The following GPHN variants were observed in gnomAD, a reference collection of about 807,000 sequenced individuals.
GPHN encodes the protein gephyrin.
GPHN carries 17 observed loss-of-function variants against 95.5 expected under a neutral mutation model. The ratio of observed to expected loss-of-function variants is 0.18; its 90% CI spans 0.12 to 0.27. The LOEUF (loss-of-function observed/expected upper bound fraction) is 0.27, where lower values mean the gene tolerates loss of function less well. Among genes scored for constraint, GPHN ranks in the 10% least tolerant of loss-of-function variants. GPHN has a pLI of 1.00. For synonymous variants in GPHN, 320 were observed against 322.5 expected (o/e 0.99, Z 0.08); for missense variants, 660 against 978.1 (o/e 0.67, Z 4.34).
At chr14:67,295,959 C>G in the GPHN span, among the ~76,000 whole-genome samples, 1 of 152,008 alleles carries the variant, frequency 6.6e-6, no homozygotes, top group East Asian at 1.9e-4. Flanking sequence ...AGATGTTTGT[C>G]AACCTGTGAA....
At chr14:67,509,471 G>A in the GPHN span, among the ~76,000 whole-genome samples, 2 of 152,024 alleles carry the variant, frequency 1.3e-5, no homozygotes, top group Admixed American at 6.6e-5. Flanking sequence ...GGCACGAGCC[G>A]CCATGCACAG....
intron 1 of GPHN, among the ~76,000 whole-genome samples, chr14:66,614,453 G>T (rs781545139): frequency 1.7e-4 from 26 of 151,910 alleles, no homozygotes; most frequent in Non-Finnish European, 3.1e-4. Flanking sequence ...AGATGTAAAT[G>T]ATATTGAATT....
Position 66,721,974 on chromosome 14 carries a change from A to G in GPHN, c.143+40789A>G, listed in dbSNP as rs1021568424. Among the ~76,000 whole-genome samples, 5 of 148,692 alleles carry G rather than the reference A, an allele frequency of 3.4e-5. No homozygotes were observed. In the East Asian group the frequency reaches 5.9e-4, roughly 18 times the overall value. ...CTCAAAAAAAAAAAAAAAAAAAAGGAAAAAAAAGAATTTGATTTAATTTGG... is the reference window on the plus strand; with the variant it reads ...CTCAAAAAAAAAAAAAAAAAAAAGGGAAAAAAAGAATTTGATTTAATTTGG... On this transcript the variant is annotated intron_variant, in intron 2 of 22. Coordinates refer to ENST00000478722, the MANE Select transcript of GPHN (RefSeq NM_020806.5).
the GPHN span, chr14:67,585,518 C>A: frequency 1.6e-6 from 2 of 1,280,434 alleles, no homozygotes; most frequent in Non-Finnish European, 2.2e-6. Flanking sequence ...TATTATAGTT[C>A]AAAATCTCTA....
intron 5 of GPHN, among the ~76,000 whole-genome samples, chr14:66,887,713 A>G (rs2064271544): frequency 6.6e-6 from 1 of 152,218 alleles, no homozygotes; most frequent in South Asian, 2.1e-4. Flanking sequence ...AAGAAAAATT[A>G]CAAGGCATAT....
chr14:67,151,951 A>G (rs908739508), intron 18 of GPHN, among the ~76,000 whole-genome samples: 1 of 152,016 alleles, frequency 6.6e-6, no homozygotes, highest in African/African-American at 2.4e-5. Context: ...GCCTGTACCC[A>G]GGTTTAAGCC....
rs766028217 is a variant in GPHN at position 67,045,811 on chromosome 14, CTG to C, written c.1007-12828_1007-12827del. Among the ~76,000 whole-genome samples the C allele has an allele frequency of 1.6e-4, 25 of 152,166 alleles. No individual in the cohort carries two copies. In the East Asian group the frequency reaches 2.7e-3, roughly 16 times the overall value. Reference sequence around the variant, plus strand: ...TCTGTGCATCTGTCTCTTTCTCTCTCTGTGTGTGTGTCTCTCTCTCTGTCTCT... The same window carrying C: ...TCTGTGCATCTGTCTCTTTCTCTCTCTGTGTGTGTCTCTCTCTCTGTCTCT... On this transcript the variant is annotated intron_variant, in intron 10 of 22. Transcript: ENST00000478722.
At chr14:66,626,839 T>A (rs574538925) in intron 1 of GPHN, among the ~76,000 whole-genome samples, 10 of 152,076 alleles carry the variant, frequency 6.6e-5, no homozygotes, top group African/African-American at 2.4e-4. Context: ...GAGATTCTCA[T>A]GGAAAATCAA....
At chr14:67,322,190 T>TA in the GPHN span, among the ~76,000 whole-genome samples, 3 of 151,624 alleles carry the variant, frequency 2.0e-5, no homozygotes, top group East Asian at 1.9e-4. Context: ...TACCAAAAAT[T>TA]AAAAAAAATT....
the GPHN span, among the ~76,000 whole-genome samples, chr14:67,286,855 CAAAAAAAA>C: frequency 8.9e-5 from 6 of 67,212 alleles, no homozygotes; most frequent in East Asian, 3.3e-4. Flanking sequence ...GACCTGGTCT[CAAAAAAAA>C]AAAAAAAAAA....
rs568843666 is a variant in GPHN at position 66,972,396 on chromosome 14, A to G, written c.963+7071A>G. On this transcript the variant is annotated intron_variant, in intron 9 of 22. Coordinates refer to ENST00000478722, the MANE Select transcript of GPHN (RefSeq NM_020806.5). Reference sequence around the variant, plus strand: ...ATTTTTGAGAAAATGTATACCAAACATCTAAGTCTGAATAATAATAATTTA... The same window carrying G: ...ATTTTTGAGAAAATGTATACCAAACGTCTAAGTCTGAATAATAATAATTTA... Among the ~76,000 whole-genome samples the G allele has an allele frequency of 2.6e-4, 39 of 152,150 alleles. No individual in the cohort carries two copies. The South Asian group carries it at 8.1e-3, about 32-fold the overall frequency.
chr14:67,604,509 A>G, the GPHN span, among the ~76,000 whole-genome samples: 1 of 151,060 alleles, frequency 6.6e-6, no homozygotes, highest in South Asian at 2.1e-4. Context: ...ATGCTGGGCA[A>G]CATAGCGAGA....
At chr14:66,729,256 T>A (rs958425836) in intron 2 of GPHN, among the ~76,000 whole-genome samples, 1 of 152,218 alleles carries the variant, frequency 6.6e-6, no homozygotes, top group Non-Finnish European at 1.5e-5. Flanking sequence ...AATGGACTAA[T>A]ACATATCCCC....
the GPHN span, among the ~76,000 whole-genome samples, chr14:67,634,954 G>C: frequency 2.0e-5 from 3 of 152,324 alleles, no homozygotes; most frequent in Admixed American, 1.3e-4. Flanking sequence ...CAAGACACAT[G>C]GTTCTTTGGC....
At position 66,589,996 on chromosome 14, in the gene GPHN, C is replaced by G. The variant is rs140091550; in HGVS notation, c.64+81405C>G. 3.3e-3 allele frequency among the ~76,000 whole-genome samples: 500 copies of G among 152,280 alleles called. 1 individual carries two copies. The highest frequency in any genetic ancestry group is 0.012 in the African/African-American group (485 of 41,538). On this transcript the variant is annotated intron_variant, in intron 1 of 22. Transcript: ENST00000478722. Reference sequence around the variant, plus strand: ...ATAGTCTCTCAGACCACAGTACAATCAAATTAGAACTCAGGACTAAGAAAC... The same window carrying G: ...ATAGTCTCTCAGACCACAGTACAATGAAATTAGAACTCAGGACTAAGAAAC...
chr14:67,303,517 T>C, the GPHN span: 3 of 1,607,654 alleles, frequency 1.9e-6, no homozygotes, highest in Non-Finnish European at 2.6e-6. Flanking sequence ...ATCTTTCTAT[T>C]ACAGTCTGAT....
intron 3 of GPHN, among the ~76,000 whole-genome samples, chr14:66,783,145 A>G (rs1431972833): frequency 6.6e-6 from 1 of 152,170 alleles, no homozygotes; most frequent in East Asian, 1.9e-4. Context: ...TTGCCCTACT[A>G]CAGCTAAGCA....
chr14:66,518,750 A>T (rs929902595), intron 1 of GPHN, among the ~76,000 whole-genome samples: 1 of 152,146 alleles, frequency 6.6e-6, no homozygotes, highest in Non-Finnish European at 1.5e-5. Flanking sequence ...TAAACACTGC[A>T]TGTCCTCACT....
chr14:66,695,585 A>G (rs1473836868), intron 2 of GPHN, among the ~76,000 whole-genome samples: 1 of 152,238 alleles, frequency 6.6e-6, no homozygotes, highest in Non-Finnish European at 1.5e-5. Context: ...TTTATAAATG[A>G]CAAAACTTGG....
Sources: allele counts gnomAD v4.1 joint callset (sites outside exome capture counted in the v4.1 genomes callset), GRCh38; gene constraint gnomAD v4.1.1; transcripts MANE v1.5; gene names NCBI Gene and HGNC (gene_info 2026-07-23, HGNC 2026-07-21).